Variants in PRKAR1B observed in about 807,000 individuals in gnomAD.
PRKAR1B encodes the protein cAMP-dependent protein kinase type I-beta regulatory subunit.
In PRKAR1B, 22 loss-of-function variants were observed where a neutral mutation model predicts 46.5. The observed-to-expected ratio is 0.47, with a 90% CI of 0.34 to 0.68. The LOEUF is 0.68. PRKAR1B is among the 30% of genes least tolerant of loss of function. PRKAR1B has a pLI of 0.01. For synonymous variants in PRKAR1B, 259 were observed against 217.7 expected, an observed-to-expected ratio of 1.19 and a Z score of -1.67; for missense variants, 445 against 535.6, an observed-to-expected ratio of 0.83 and a Z score of 1.67.
intron 9 of PRKAR1B, among the ~76,000 whole-genome samples, chr7:569,993 C>T (rs1779403646): frequency 6.6e-6 from 1 of 152,230 alleles, no homozygotes; most frequent in Admixed American, 6.5e-5. Flanking sequence ...TCCAGTCCAG[C>T]CCAGAAGGAA....
intron 4 of PRKAR1B, among the ~76,000 whole-genome samples, chr7:676,221 A>T (rs1786573838): frequency 6.6e-6 from 1 of 152,090 alleles, no homozygotes; most frequent in Non-Finnish European, 1.5e-5. Flanking sequence ...AATCTTTTCA[A>T]AATTTTCCAA....
chr7:555,026 C>T (rs1270817098), intron 9 of PRKAR1B, among the ~76,000 whole-genome samples: 1 of 152,124 alleles, frequency 6.6e-6, no homozygotes, highest in Non-Finnish European at 1.5e-5. Context: ...CACCACAGGC[C>T]ACCCCTACAC....
chr7:675,683 C>T (rs1030075742), intron 4 of PRKAR1B, among the ~76,000 whole-genome samples: 5 of 152,174 alleles, frequency 3.3e-5, no homozygotes, highest in East Asian at 3.9e-4. Context: ...CGCAGTGGCT[C>T]ACGCCTGTAA....
At chr7:726,913 G>T in intron 1 of PRKAR1B, 2 of 1,345,914 alleles carry the variant, frequency 1.5e-6, no homozygotes, top group South Asian at 1.7e-5. Context: ...CCCTGCCGCC[G>T]ACCCCACCGC....
At chr7:557,237 C>T (rs1017988167) in intron 9 of PRKAR1B, among the ~76,000 whole-genome samples, 4 of 152,176 alleles carry the variant, frequency 2.6e-5, no homozygotes, top group East Asian at 1.9e-4. Context: ...GACCTGGGTT[C>T]GAATCCCTTC....
Position 551,406 on chromosome 7 carries a change from C to T in PRKAR1B, c.956G>A (p.Gly319Glu). 1.9e-6 allele frequency: 3 copies of T among 1,559,264 alleles called. No homozygotes were observed. The highest frequency in any genetic ancestry group is 2.6e-6 in the Non-Finnish European group (3 of 1,151,400). Residue 319 changes from glycine to glutamate, a missense_variant, in exon 10 of 11, where the codon GGA becomes GAA. Physicochemically the swap from Gly to Glu is moderately conservative, Grantham distance 98. Around this residue, in one of 5 missense-constraint regions of PRKAR1B, gnomAD observed 127 missense variants for 138.0 expected, o/e 0.92. Transcript: ENST00000537384. ...GGACTCACCGAAGTAGTCAGAGGGT[C>T]CCAGGCGCCCCACCTCCACGTACTC... The part of the protein sequence containing the change: ...NEEYVEVGRL[G>E]PSDYFGEIAL...
At chr7:606,349 C>T (rs1480819678) in intron 5 of PRKAR1B, 110 bp from the exon 6 acceptor site, 7 of 848,962 alleles carry the variant, frequency 8.2e-6, no homozygotes, top group Non-Finnish European at 1.3e-5. Flanking sequence ...CTCGAAGCAA[C>T]ATCCTGGGTG....
At chr7:598,515 ACAC>A (rs1781405190) in intron 6 of PRKAR1B, among the ~76,000 whole-genome samples, 1 of 84,922 alleles carries the variant, frequency 1.2e-5, no homozygotes, top group African/African-American at 5.0e-5. Flanking sequence ...AGCACCCTCC[ACAC>A]TAAACACCAT....
At chr7:722,528 C>T (rs749691332) in intron 1 of PRKAR1B, among the ~76,000 whole-genome samples, 1 of 151,008 alleles carries the variant, frequency 6.6e-6, no homozygotes, top group African/African-American at 2.4e-5. Flanking sequence ...TGAGCCACCG[C>T]GCCTGGCTAA....
intron 2 of PRKAR1B, among the ~76,000 whole-genome samples, chr7:696,025 G>A (rs756427744): frequency 7.2e-6 from 1 of 138,146 alleles, no homozygotes. Flanking sequence ...CTGGAGTATA[G>A]TGGCGTGACC....
Position 624,175 on chromosome 7 carries a change from G to A in PRKAR1B, c.441-16723C>T, listed in dbSNP as rs189321887. ...TGACCAAGCATGGTGGCTCACACCT[G>A]TAATCTCAGCACTTTGGGAGGCTGA... is the stretch of plus-strand genomic sequence containing the variant. On this transcript the variant is annotated intron_variant, in intron 4 of 10. Coordinates refer to ENST00000537384, the MANE Select transcript of PRKAR1B (RefSeq NM_001164760.2). Among the ~76,000 whole-genome samples the A allele has an allele frequency of 4.4e-3, 670 of 152,326 alleles. 10 individuals carry two copies. Among genetic ancestry groups the A allele is most frequent in the Non-Finnish European group, 1.5e-3 (102 of 68,024 alleles).
chr7:567,850 G>A (rs1031199919), intron 9 of PRKAR1B, among the ~76,000 whole-genome samples: 1 of 152,106 alleles, frequency 6.6e-6, no homozygotes, highest in African/African-American at 2.4e-5. Context: ...AAGGAGAAGG[G>A]TGGTTCTACT....
At chr7:648,266 T>G (rs1784724021) in intron 4 of PRKAR1B, among the ~76,000 whole-genome samples, 1 of 152,026 alleles carries the variant, frequency 6.6e-6, no homozygotes, top group South Asian at 2.1e-4. Context: ...TGGCCTATTG[T>G]GAAAGTTGGT....
intron 1 of PRKAR1B, among the ~76,000 whole-genome samples, chr7:722,910 T>A (rs1781123594): frequency 6.7e-6 from 1 of 149,634 alleles, no homozygotes. Context: ...GCAGCCTGTT[T>A]TTGTGGTCTG....
rs938651725 is a variant in PRKAR1B, at chr7:666,918, A to G, written c.440+10311T>C. Among the ~76,000 whole-genome samples, 3 of 152,236 alleles carry G rather than the reference A, an allele frequency of 2.0e-5. No individual in the cohort carries two copies. The highest frequency in any genetic ancestry group is 1.3e-4 in the Admixed American group (2 of 15,286). ...TGCCACACAGCCAAAGGGCCACAGA[A>G]AGATGGTGATGACAATGACCACAAC... On this transcript the variant is annotated intron_variant, in intron 4 of 10. Transcript: ENST00000537384. This position sits in a 1 kb window ranked among gnomAD's most constrained non-coding sequence, Gnocchi z 4.9.
At chr7:690,218 C>T (rs974664307) in intron 2 of PRKAR1B, among the ~76,000 whole-genome samples, 1 of 151,764 alleles carries the variant, frequency 6.6e-6, no homozygotes, top group East Asian at 2.0e-4. Context: ...ATCGCTTGAA[C>T]CCAGGAGGCA....
chr7:715,413 C>CGGT (rs1379310355), intron 1 of PRKAR1B, among the ~76,000 whole-genome samples: 5 of 152,076 alleles, frequency 3.3e-5, no homozygotes, highest in Non-Finnish European at 7.4e-5. Context: ...CTCAACAGGT[C>CGGT]GGTCGCCACC....
intron 2 of PRKAR1B, among the ~76,000 whole-genome samples, chr7:702,716 G>A (rs1322856668): frequency 4.6e-5 from 7 of 152,132 alleles, no homozygotes; most frequent in African/African-American, 9.7e-5. Context: ...CCAGCTACTC[G>A]GGAGGCTGAG....
At chr7:550,654 A>C (rs781212550) in intron 10 of PRKAR1B, 52 bp from the exon 11 acceptor site, 1 of 1,443,008 alleles carries the variant, frequency 6.9e-7, no homozygotes. Context: ...CTGAGGCTGC[A>C]GCAGGGAAAG....
Sources: allele counts gnomAD v4.1 joint callset (sites outside exome capture counted in the v4.1 genomes callset), GRCh38; gene constraint gnomAD v4.1.1; regional missense constraint gnomAD v4.1.1; non-coding constraint Gnocchi (gnomAD v3.1); transcripts MANE v1.5; gene names NCBI Gene and HGNC (gene_info 2026-07-23, HGNC 2026-07-21).